The following SHANK2 variants were observed in gnomAD, a reference collection of about 807,000 sequenced individuals.
The protein encoded by SHANK2 is SH3 and multiple ankyrin repeat domains protein 2.
Under a neutral mutation model 133.7 loss-of-function variants are expected in SHANK2, and 43 were observed. The ratio of observed to expected loss-of-function variants is 0.32; its 90% CI spans 0.25 to 0.41. The LOEUF is 0.41. SHANK2 is among the 10% of genes least tolerant of loss of function. The pLI is 1.00. For synonymous variants in SHANK2, 1,017 were observed against 952.8 expected, an observed-to-expected ratio of 1.07 and a Z score of -1.24; for missense variants, 1,994 against 2,235.8, an observed-to-expected ratio of 0.89 and a Z score of 2.18.
chr11:70,565,067 G>A (rs11819914), intron 17 of SHANK2, among the ~76,000 whole-genome samples: 3,531 of 152,050 alleles, frequency 0.023, 130 homozygotes, highest in African/African-American at 0.081. Flanking sequence ...TCTTCCTTAC[G>A]GGCTGTATTT....
At chr11:70,503,714 A>T (rs566688144) in intron 17 of SHANK2, among the ~76,000 whole-genome samples, 2 of 152,314 alleles carry the variant, frequency 1.3e-5, no homozygotes, top group East Asian at 3.9e-4. Flanking sequence ...GGAAGTAGGA[A>T]CGGACTCAGG....
intron 25 of SHANK2, among the ~76,000 whole-genome samples, chr11:70,475,494 G>A (rs959418119): frequency 6.6e-6 from 1 of 152,136 alleles, no homozygotes; most frequent in Non-Finnish European, 1.5e-5. Flanking sequence ...TCTTTACCAT[G>A]GATGTATATT....
chr11:70,874,930 G>A (rs1294580041), intron 11 of SHANK2, among the ~76,000 whole-genome samples: 1 of 152,184 alleles, frequency 6.6e-6, no homozygotes, highest in Non-Finnish European at 1.5e-5. Context: ...TCAAAAGGCT[G>A]TAGCTAAGCC....
At position 70,569,321 on chromosome 11, in the gene SHANK2, G is replaced by T. The variant is rs922871315; in HGVS notation, c.2062-66390C>A. ...GGTCAGGCTCGGGAGCGTCTGGGGT[G>T]ATCCTGCTCATGCGCCTCATGGACG... On this transcript the variant is annotated intron_variant, in intron 17 of 25. Transcript: ENST00000601538. This position sits in a 1 kb window ranked among gnomAD's most constrained non-coding sequence, Gnocchi z 5.1. Among the ~76,000 whole-genome samples, 5 of 152,210 alleles carry T rather than the reference G, an allele frequency of 3.3e-5. No homozygotes were observed. The highest frequency in any genetic ancestry group is 5.9e-5 in the Non-Finnish European group (4 of 68,034).
rs1057073866 is a variant in SHANK2, at chr11:70,804,479, G to A, written c.1663+2523C>T. Among the ~76,000 whole-genome samples, 1 of 152,176 alleles carries A rather than the reference G, an allele frequency of 6.6e-6. No individual in the cohort carries two copies. The highest frequency in any genetic ancestry group is 2.1e-4 in the South Asian group (1 of 4,822). On this transcript the variant is annotated intron_variant, in intron 13 of 25. Coordinates refer to ENST00000601538, the MANE Select transcript of SHANK2 (RefSeq NM_012309.5). This position sits in a 1 kb window ranked among gnomAD's most constrained non-coding sequence, Gnocchi z 4.1. ...CCTTTGAAGTGTGAGTTTTGGAACC[G>A]AGCTCTGTCATTTCTGTTCTCCCTG...
chr11:70,910,534 G>A (rs1231217846), intron 10 of SHANK2, among the ~76,000 whole-genome samples: 2 of 152,190 alleles, frequency 1.3e-5, no homozygotes, highest in Non-Finnish European at 2.9e-5. Flanking sequence ...TAGGCTGGGT[G>A]TGGTGGCTCA....
At chr11:71,077,474 A>C (rs1333169534) in intron 8 of SHANK2, among the ~76,000 whole-genome samples, 2 of 152,144 alleles carry the variant, frequency 1.3e-5, no homozygotes, top group East Asian at 3.9e-4. Flanking sequence ...TGTTCCCAAG[A>C]GCATGCTTCC....
chr11:70,940,281 T>C (rs1950629677), intron 10 of SHANK2, among the ~76,000 whole-genome samples: 1 of 141,740 alleles, frequency 7.1e-6, no homozygotes, highest in Non-Finnish European at 1.5e-5. Context: ...AGAGTCTCGC[T>C]GTGTCACCAG....
chr11:70,536,952 T>C (rs2059551131), intron 17 of SHANK2, among the ~76,000 whole-genome samples: 1 of 151,752 alleles, frequency 6.6e-6, no homozygotes, highest in Admixed American at 6.5e-5. Context: ...GGACCCTTCT[T>C]ACTCCAGGAA....
At chr11:71,168,007 A>T in intron 2 of SHANK2, among the ~76,000 whole-genome samples, 1 of 132,056 alleles carries the variant, frequency 7.6e-6, no homozygotes, top group Non-Finnish European at 1.6e-5. Context: ...TGCTGGGCGG[A>T]GGGGCTCCTC....
chr11:71,110,653 G>A (rs1288168360), intron 5 of SHANK2, among the ~76,000 whole-genome samples: 1 of 152,144 alleles, frequency 6.6e-6, no homozygotes, highest in Non-Finnish European at 1.5e-5. Context: ...GGTGCACTCG[G>A]GAGACCCACC....
At chr11:70,686,761 C>A (rs1313914096) in intron 15 of SHANK2, among the ~76,000 whole-genome samples, 8 of 152,184 alleles carry the variant, frequency 5.3e-5, no homozygotes, top group African/African-American at 1.9e-4. Context: ...ACCAAAGACA[C>A]CTCCCTGCTT....
chr11:70,667,179 C>G (rs1397632730), intron 15 of SHANK2, among the ~76,000 whole-genome samples: 1 of 152,154 alleles, frequency 6.6e-6, no homozygotes, highest in Non-Finnish European at 1.5e-5. Flanking sequence ...AAGATGGGGT[C>G]TAGGCTGCCC....
intron 2 of SHANK2, among the ~76,000 whole-genome samples, chr11:71,193,371 G>A (rs945509810): frequency 6.6e-6 from 1 of 152,120 alleles, no homozygotes; most frequent in African/African-American, 2.4e-5. Flanking sequence ...GTATATGTGT[G>A]CACAAACACA....
intron 3 of SHANK2, among the ~76,000 whole-genome samples, chr11:71,124,197 A>ATGG (rs1952134502): frequency 1.9e-5 from 1 of 53,422 alleles, no homozygotes; most frequent in Non-Finnish European, 3.4e-5. Context: ...GGTGATGGTG[A>ATGG]TGATGGTGGT....
In SHANK2 at chr11:71,056,299, T is replaced by G. The variant is rs968322970; in HGVS notation, c.1107+182A>C. ...AAGGAGCCAGTGTGAGCAAGCACAC[T>G]GAGACGGGGCAGCAGCTTTGCACTA... On this transcript the variant is annotated intron_variant, in intron 10 of 25. Transcript: ENST00000601538. Among the ~76,000 whole-genome samples, 793 of 152,334 alleles carry G rather than the reference T, an allele frequency of 5.2e-3. 20 individuals are homozygous for G. The South Asian group carries it at 0.058, about 11-fold the overall frequency.
chr11:70,941,159 T>G (rs1950641754), intron 10 of SHANK2, among the ~76,000 whole-genome samples: 1 of 152,198 alleles, frequency 6.6e-6, no homozygotes, highest in Admixed American at 6.5e-5. Context: ...AAGGACCATG[T>G]CACACCAATA....
intron 17 of SHANK2, among the ~76,000 whole-genome samples, chr11:70,568,955 G>C (rs1554982544): frequency 6.6e-6 from 1 of 152,138 alleles, no homozygotes; most frequent in Non-Finnish European, 1.5e-5. Context: ...GTGGCCAGTG[G>C]ACTCAGCATC....
intron 14 of SHANK2, among the ~76,000 whole-genome samples, chr11:70,746,176 C>T (rs1946633211): frequency 6.6e-6 from 1 of 152,250 alleles, no homozygotes; most frequent in Non-Finnish European, 1.5e-5. Flanking sequence ...CCCAGCAGAT[C>T]TGGGGGCAGA....
Sources: gnomAD v4.1 joint callset for allele counts (sites outside exome capture counted in the v4.1 genomes callset) on GRCh38, gnomAD v4.1.1 for gene constraint, Gnocchi (gnomAD v3.1) non-coding constraint, MANE v1.5 for transcripts, NCBI Gene and HGNC (gene_info 2026-07-23, HGNC 2026-07-21) for gene names.